The following ABCG8 variants were observed in gnomAD, a reference collection of about 807,000 sequenced individuals.
ABCG8 encodes ATP-binding cassette sub-family G member 8.
A neutral mutation model predicts 71.3 loss-of-function variants in ABCG8; 81 were observed. That is an observed-to-expected ratio of 1.14 (90% confidence interval 0.95 to 1.37). The LOEUF is 1.37. Among genes scored for constraint, ABCG8 ranks in the 40% most tolerant of loss-of-function variants. The pLI, the probability that ABCG8 is intolerant of heterozygous loss-of-function variation, is 0.00. For missense variants in ABCG8, 1,119 were observed against 866.2 expected (o/e 1.29, Z -3.66); for synonymous variants, 451 against 354.7 (o/e 1.27, Z -3.05).
intron 6 of ABCG8, among the ~76,000 whole-genome samples, chr2:43,857,357 C>G (rs1292931744): frequency 2.0e-5 from 3 of 150,504 alleles, no homozygotes; most frequent in Admixed American, 2.0e-4. Flanking sequence ...TCGTATTCCT[C>G]GATAGAACTC....
intron 6 of ABCG8, among the ~76,000 whole-genome samples, chr2:43,859,119 G>C (rs1304741527): frequency 6.7e-6 from 1 of 149,686 alleles, no homozygotes; most frequent in Non-Finnish European, 1.5e-5. Flanking sequence ...AATTCTCACT[G>C]TCTGGATAGA....
intron 3 of ABCG8, among the ~76,000 whole-genome samples, chr2:43,850,473 G>T (rs1355777795): frequency 6.6e-6 from 1 of 152,170 alleles, no homozygotes; most frequent in Non-Finnish European, 1.5e-5. Flanking sequence ...TTTTATTTTA[G>T]GTTTGGGGAT....
At chr2:43,859,715 A>T (rs376236017) in intron 6 of ABCG8, among the ~76,000 whole-genome samples, 1 of 150,748 alleles carries the variant, frequency 6.6e-6, no homozygotes, top group African/African-American at 2.4e-5. Context: ...CTCACTATCT[A>T]TCTTGATAGA....
intron 6 of ABCG8, among the ~76,000 whole-genome samples, chr2:43,859,915 A>G (rs1165831750): frequency 1.3e-5 from 2 of 151,462 alleles, no homozygotes; most frequent in African/African-American, 4.8e-5. Context: ...TTCTCTGGAT[A>G]GATCTCTCAT....
intron 8 of ABCG8, among the ~76,000 whole-genome samples, chr2:43,873,010 C>A (rs561504595): frequency 7.2e-5 from 11 of 152,040 alleles, no homozygotes; most frequent in Non-Finnish European, 1.5e-4. Context: ...GCATGCTGGT[C>A]TGTAGCTGGT....
At chr2:43,876,291 C>G (rs1403105055) in intron 11 of ABCG8, among the ~76,000 whole-genome samples, 1 of 152,236 alleles carries the variant, frequency 6.6e-6, no homozygotes, top group Non-Finnish European at 1.5e-5. Context: ...CTCTTGGTCT[C>G]TGGTCTCTCT....
At chr2:43,863,608 A>C (rs945671788) in intron 6 of ABCG8, among the ~76,000 whole-genome samples, 3 of 150,812 alleles carry the variant, frequency 2.0e-5, no homozygotes, top group African/African-American at 4.9e-5. Flanking sequence ...AATTCTCACT[A>C]TCTGTCAGGA....
chr2:43,870,268 T>A (rs1458975417), intron 6 of ABCG8, among the ~76,000 whole-genome samples: 2 of 151,828 alleles, frequency 1.3e-5, no homozygotes, highest in South Asian at 2.1e-4. Flanking sequence ...TGGGTAGAAT[T>A]CTCACAATCT....
intron 3 of ABCG8, 56 bp downstream of exon 3, chr2:43,846,367 C>G (rs1287009783): frequency 2.5e-6 from 4 of 1,610,892 alleles, no homozygotes; most frequent in Non-Finnish European, 3.4e-6. Flanking sequence ...ACAGAATGGT[C>G]CTTTGGACAA....
Position 43,881,165 on chromosome 2 carries a change from G to C in ABCG8, c.*3252G>C, listed in dbSNP as rs1173493452. On this transcript the variant is annotated 3_prime_UTR_variant, in exon 13 of 13. Transcript: ENST00000272286. ...GAGTTCACCATTCGGTCTGCAATGGGTTTTGGTAACTCAGTGGCTCTGTAT... is the reference window on the plus strand; with the variant it reads ...GAGTTCACCATTCGGTCTGCAATGGCTTTTGGTAACTCAGTGGCTCTGTAT... The C allele has an allele frequency of 6.6e-6, 1 of 152,310 alleles. No individual in the cohort carries two copies. The highest frequency in any genetic ancestry group is 6.5e-5 in the Admixed American group (1 of 15,288). The allele number at this position is 152,310 out of a possible 1,614,324, so 9.4% of individuals were successfully genotyped here. A position where few individuals can be genotyped will look rare whatever the true frequency, so the allele number is the denominator to read the frequency against.
chr2:43,865,910 T>C (rs1669516850), intron 6 of ABCG8, among the ~76,000 whole-genome samples: 1 of 152,140 alleles, frequency 6.6e-6, no homozygotes, highest in Admixed American at 6.6e-5. Context: ...ACTCTGTGGA[T>C]AGAACTCTGA....
At chr2:43,873,258 G>A (rs1265068682) in intron 8 of ABCG8, among the ~76,000 whole-genome samples, 7 of 150,828 alleles carry the variant, frequency 4.6e-5, no homozygotes, top group Non-Finnish European at 8.8e-5. Flanking sequence ...GGGCAATCTT[G>A]GCTCACTGCA....
intron 6 of ABCG8, among the ~76,000 whole-genome samples, chr2:43,869,385 A>G (rs911010120): frequency 1.3e-5 from 2 of 149,068 alleles, no homozygotes; most frequent in Admixed American, 6.6e-5. Flanking sequence ...AATTCTCAAC[A>G]TCTGGATAGA....
chr2:43,866,351 T>G lies in ABCG8; in HGVS notation c.965-5625T>G, dbSNP rs1399805267. Among the ~76,000 whole-genome samples the G allele has an allele frequency of 4.6e-5, 7 of 152,080 alleles. 1 individual carries two copies. In the Middle Eastern group the frequency reaches 0.01, roughly 222 times the overall value. ...AAAGCCAAAATTGACAAATGGGATC[T>G]AATTAAACTAAAGAGCTTCTGCACA... is the stretch of plus-strand genomic sequence containing the variant. On this transcript the variant is annotated intron_variant, in intron 6 of 12. Coordinates refer to ENST00000272286, the MANE Select transcript of ABCG8 (RefSeq NM_022437.3).
In ABCG8 at chr2:43,844,619, G is replaced by T; in HGVS notation, c.165+11G>T. ...GACCTCAACTACCAGGTAGAGGCACGCCTGGGTTCAAGGGGAGAGGAGCAG... is the reference window on the plus strand; with the variant it reads ...GACCTCAACTACCAGGTAGAGGCACTCCTGGGTTCAAGGGGAGAGGAGCAG... On this transcript the variant is annotated intron_variant, in intron 2 of 12. Coordinates refer to ENST00000272286, the MANE Select transcript of ABCG8 (RefSeq NM_022437.3). 2 of 1,600,508 alleles carry T rather than the reference G, an allele frequency of 1.2e-6. No homozygotes were observed. The highest frequency in any genetic ancestry group is 1.7e-6 in the Non-Finnish European group (2 of 1,167,734).
At chr2:43,848,555 G>C (rs1450619262) in intron 3 of ABCG8, 1 of 152,200 alleles carries the variant, frequency 6.6e-6, no homozygotes, top group Admixed American at 6.5e-5. Context: ...CTCAAAGTAT[G>C]CAGGCAGCCT....
At chr2:43,853,662 G>T (rs1558813715) in intron 6 of ABCG8, among the ~76,000 whole-genome samples, 1 of 152,172 alleles carries the variant, frequency 6.6e-6, no homozygotes, top group Non-Finnish European at 1.5e-5. Flanking sequence ...GCCCAAACAT[G>T]CCAGGCTCAA....
chr2:43,875,855 C>G (rs762819963), intron 11 of ABCG8, among the ~76,000 whole-genome samples: 12 of 152,160 alleles, frequency 7.9e-5, no homozygotes, highest in African/African-American at 2.2e-4. Context: ...CCCATGCCCC[C>G]CTTTGTTCAA....
At chr2:43,857,000 G>C (rs571096633) in intron 6 of ABCG8, among the ~76,000 whole-genome samples, 1 of 147,016 alleles carries the variant, frequency 6.8e-6, no homozygotes, top group Non-Finnish European at 1.5e-5. Flanking sequence ...GATAGAACTC[G>C]CACTATCTAC....
Sources: allele counts gnomAD v4.1 joint callset (sites outside exome capture counted in the v4.1 genomes callset), GRCh38; gene constraint gnomAD v4.1.1; transcripts MANE v1.5; gene names NCBI Gene and HGNC (gene_info 2026-07-23, HGNC 2026-07-21).